The following SLC26A5 variants were observed in gnomAD, a reference collection of about 807,000 sequenced individuals.
The protein encoded by SLC26A5 is prestin.
Under a neutral mutation model 81.0 loss-of-function variants are expected in SLC26A5, and 51 were observed. That is an observed-to-expected ratio of 0.63 (90% CI 0.50 to 0.80). The LOEUF (loss-of-function observed/expected upper bound fraction) is 0.80. SLC26A5 is among the 30% of genes least tolerant of loss of function. SLC26A5 has a pLI of 0.00. For synonymous variants in SLC26A5, 325 were observed against 332.8 expected, an observed-to-expected ratio of 0.98 and a Z score of 0.25; for missense variants, 771 against 905.8, an observed-to-expected ratio of 0.85 and a Z score of 1.91.
In SLC26A5 at chr7:103,378,557, T is replaced by C. The variant is rs1263359850; in HGVS notation, c.1678-4A>G. On this transcript the variant is annotated splice_polypyrimidine_tract_variant and splice_region_variant and intron_variant, in intron 16 of 19. Coordinates refer to ENST00000306312, the MANE Select transcript of SLC26A5 (RefSeq NM_198999.3). ...TGACTGCTGGGTTCACTCCAGTCTTTACAGAAGAGCACCATATGCAAAATC... is the reference window on the plus strand; with the variant it reads ...TGACTGCTGGGTTCACTCCAGTCTTCACAGAAGAGCACCATATGCAAAATC... The C allele has an allele frequency of 1.9e-6, 3 of 1,613,734 alleles. No individual in the cohort carries two copies. The highest frequency in any genetic ancestry group is 2.5e-6 in the Non-Finnish European group (3 of 1,179,642).
At chr7:103,423,828 A>G (rs1246469613) in intron 2 of SLC26A5, among the ~76,000 whole-genome samples, 1 of 152,218 alleles carries the variant, frequency 6.6e-6, no homozygotes, top group Non-Finnish European at 1.5e-5. Context: ...GAACTAAGAA[A>G]TGGTAAATCT....
At chr7:103,357,379 T>A (rs969003086) in intron 19 of SLC26A5, among the ~76,000 whole-genome samples, 2 of 152,060 alleles carry the variant, frequency 1.3e-5, no homozygotes, top group African/African-American at 4.8e-5. Context: ...ACAACTGTAT[T>A]TCCCAATTTC....
chr7:103,395,442 T>C (rs1376516150), intron 9 of SLC26A5, among the ~76,000 whole-genome samples: 2 of 144,824 alleles, frequency 1.4e-5, no homozygotes, highest in Non-Finnish European at 3.0e-5. Context: ...AAGTAGAAAT[T>C]ATAGTGACAA....
intron 16 of SLC26A5, among the ~76,000 whole-genome samples, chr7:103,378,871 T>C (rs752828280): frequency 1.3e-5 from 2 of 152,310 alleles, no homozygotes; most frequent in Non-Finnish European, 1.5e-5. Context: ...TTTTCCTATA[T>C]ACAGCGTGGT....
chr7:103,402,264 C>T (rs1823657037), intron 8 of SLC26A5, among the ~76,000 whole-genome samples: 1 of 152,058 alleles, frequency 6.6e-6, no homozygotes. Flanking sequence ...TTCAGGGATT[C>T]AAGTTCCCCC....
At chr7:103,368,056 C>T in intron 19 of SLC26A5, 7 of 1,595,138 alleles carry the variant, frequency 4.4e-6, no homozygotes, top group Non-Finnish European at 6.0e-6. Flanking sequence ...TACAACTGAA[C>T]CCTGAAGGCT....
At chr7:103,361,510 C>CAAAAA (rs759044767) in intron 19 of SLC26A5, among the ~76,000 whole-genome samples, 44 of 51,016 alleles carry the variant, frequency 8.6e-4, no homozygotes, top group Middle Eastern at 0.019. Context: ...AACTCCATCT[C>CAAAAA]AAAAAAAAAA....
chr7:103,363,039 C>A (rs1563493733), intron 19 of SLC26A5, among the ~76,000 whole-genome samples: 1 of 152,144 alleles, frequency 6.6e-6, no homozygotes, highest in Non-Finnish European at 1.5e-5. Context: ...AGTGTTTGGC[C>A]TGCCTCAGCC....
At chr7:103,378,975 T>C (rs1279425197) in intron 16 of SLC26A5, among the ~76,000 whole-genome samples, 1 of 152,126 alleles carries the variant, frequency 6.6e-6, no homozygotes, top group Non-Finnish European at 1.5e-5. Flanking sequence ...TAAAATTTTG[T>C]TTGAAAAGTA....
chr7:103,381,509 C>G (rs1821786049), intron 14 of SLC26A5, among the ~76,000 whole-genome samples: 1 of 150,678 alleles, frequency 6.6e-6, no homozygotes, highest in Admixed American at 6.6e-5. Flanking sequence ...CACTACATGC[C>G]ACACACAATA....
At chr7:103,364,916 G>A (rs1017443714) in intron 19 of SLC26A5, among the ~76,000 whole-genome samples, 2 of 145,178 alleles carry the variant, frequency 1.4e-5, no homozygotes, top group Non-Finnish European at 3.0e-5. Context: ...CAGTCCTAAT[G>A]AGAAAGTGAG....
At chr7:103,357,229 G>T (rs9718373) in intron 19 of SLC26A5, among the ~76,000 whole-genome samples, 8,915 of 151,868 alleles carry the variant, frequency 0.059, 463 homozygotes, top group East Asian at 0.27. Flanking sequence ...GAGAGGCTGA[G>T]GCAGGAGAAT....
intron 19 of SLC26A5, chr7:103,363,392 G>A: frequency 2.5e-6 from 4 of 1,614,064 alleles, no homozygotes; most frequent in Non-Finnish European, 3.4e-6. Context: ...TGGCTGTAAG[G>A]AACAGATTGA....
intron 8 of SLC26A5, among the ~76,000 whole-genome samples, chr7:103,399,003 G>A (rs1823370176): frequency 6.6e-6 from 1 of 152,060 alleles, no homozygotes; most frequent in Non-Finnish European, 1.5e-5. Flanking sequence ...AGCTCCTGGA[G>A]CTATAATTTT....
intron 8 of SLC26A5, among the ~76,000 whole-genome samples, chr7:103,404,761 T>G (rs1458517600): frequency 6.6e-6 from 1 of 152,196 alleles, no homozygotes; most frequent in East Asian, 1.9e-4. Context: ...TCCTGGATAA[T>G]GTCCTGAAGA....
At position 103,402,393 on chromosome 7, in the gene SLC26A5, C is replaced by CTTT. The variant is rs541398228; in HGVS notation, c.889-4382_889-4380dup. On this transcript the variant is annotated intron_variant, in intron 8 of 19. Transcript: ENST00000306312. Reference sequence around the variant, plus strand: ...CTGATGGTAGTTTGTACGTATTGCTCTTTTTTTTTTTTTTTTTTGAGACAG... The same window carrying CTTT: ...CTGATGGTAGTTTGTACGTATTGCTCTTTTTTTTTTTTTTTTTTTTTGAGACAG... Among the ~76,000 whole-genome samples the CTTT allele has an allele frequency of 1.8e-4, 22 of 124,478 alleles. 1 individual carries two copies. The highest frequency in any genetic ancestry group is 3.4e-4 in the Admixed American group (4 of 11,650). The allele number at this position is 124,478 out of a possible 152,430, so 81.7% of individuals were successfully genotyped here.
At chr7:103,421,337 C>T (rs1428620036) in intron 3 of SLC26A5, 26 bp downstream of exon 3, 2 of 1,613,454 alleles carry the variant, frequency 1.2e-6, no homozygotes, top group African/African-American at 2.7e-5. Context: ...GATACAATAA[C>T]AGAAACAGGT....
At chr7:103,362,264 C>A in intron 19 of SLC26A5, 1 of 1,414,662 alleles carries the variant, frequency 7.1e-7, no homozygotes, top group South Asian at 1.6e-5. Flanking sequence ...AACTTCCCAT[C>A]GGCTTCGCTG....
rs751736981 is a variant in SLC26A5 at position 103,380,561 on chromosome 7, GA to G, written c.1515-13del. On this transcript the variant is annotated splice_polypyrimidine_tract_variant and intron_variant, in intron 14 of 19. Coordinates refer to ENST00000306312, the MANE Select transcript of SLC26A5 (RefSeq NM_198999.3). ...CTTTGTAGCTTGGACTGAAGATAAA[GA>G]GTGTTAAATACCATTGTGTTGAGGC... The G allele has an allele frequency of 8.7e-6, 14 of 1,611,450 alleles. No individual in the cohort carries two copies. Among genetic ancestry groups the G allele is most frequent in the Non-Finnish European group, 1.0e-5 (12 of 1,177,726 alleles).
Sources: allele counts gnomAD v4.1 joint callset (sites outside exome capture counted in the v4.1 genomes callset), GRCh38; gene constraint gnomAD v4.1.1; transcripts MANE v1.5; gene names NCBI Gene and HGNC (gene_info 2026-07-23, HGNC 2026-07-21).